Variants in SPAG16 observed in about 807,000 individuals in gnomAD.
SPAG16 encodes the protein sperm-associated antigen 16 protein.
Under a neutral mutation model 80.4 loss-of-function variants are expected in SPAG16, and 86 were observed. The ratio of observed to expected loss-of-function variants is 1.07; its 90% CI spans 0.90 to 1.28. The LOEUF (loss-of-function observed/expected upper bound fraction) is 1.28, where lower values mean the gene tolerates loss of function less well. Ranked by LOEUF, SPAG16 falls within the 50% of genes most tolerant of loss-of-function variation. The probability of loss-of-function intolerance (pLI) is 0.00; values close to 1 mark genes in which losing one functional copy is unlikely to be tolerated. For synonymous variants in SPAG16, 294 were observed against 265.9 expected (o/e 1.11, Z -1.03); for missense variants, 870 against 765.3 (o/e 1.14, Z -1.61).
chr2:214,319,457 T>TA (rs2125991518), intron 15 of SPAG16, among the ~76,000 whole-genome samples: 1 of 144,070 alleles, frequency 6.9e-6, no homozygotes, highest in Admixed American at 6.9e-5. Context: ...AAAGAAGTGA[T>TA]AAAATCCCAA....
In SPAG16 at chr2:213,470,894, A is replaced by C. The variant is rs1014145043; in HGVS notation, c.943-19069A>C. On this transcript the variant is annotated intron_variant, in intron 9 of 15. Transcript: ENST00000331683. ...GGTCCATCCACATATCTCTGCCCCAAATTTCTTTGTCACCAATTTTCCAAT... is the reference window on the plus strand; with the variant it reads ...GGTCCATCCACATATCTCTGCCCCACATTTCTTTGTCACCAATTTTCCAAT... Among the ~76,000 whole-genome samples the C allele has an allele frequency of 9.7e-4, 147 of 152,128 alleles. 4 individuals are homozygous for C. Among genetic ancestry groups the C allele is most frequent in the Non-Finnish European group, 7.4e-5 (5 of 68,020 alleles).
intron 9 of SPAG16, among the ~76,000 whole-genome samples, chr2:213,397,369 C>A (rs188237500): frequency 3.9e-5 from 6 of 152,172 alleles, no homozygotes; most frequent in African/African-American, 1.4e-4. Context: ...TAAGTGTCCC[C>A]TTTGCTTCTC....
chr2:214,070,082 T>A lies in SPAG16; in HGVS notation c.1528-38114T>A, dbSNP rs570122635. Among the ~76,000 whole-genome samples, 437 of 149,248 alleles carry A rather than the reference T, an allele frequency of 2.9e-3. 3 individuals are homozygous for A. In the South Asian group the frequency reaches 0.03, roughly 10 times the overall value. On this transcript the variant is annotated intron_variant, in intron 13 of 15. Transcript: ENST00000331683. ...TTTGCACATTTTCCTCTTGGGGAAT[T>A]TTTTTTTTTTTCTGATTGGTTTGAA...
At chr2:213,542,702 A>G (rs1251965219) in intron 10 of SPAG16, among the ~76,000 whole-genome samples, 4 of 152,146 alleles carry the variant, frequency 2.6e-5, no homozygotes, top group African/African-American at 4.8e-5. Flanking sequence ...AGAAAGAGAA[A>G]AAATGAGTTG....
chr2:214,404,611 TTAAC>T (rs776687533), intron 15 of SPAG16, among the ~76,000 whole-genome samples: 1 of 152,154 alleles, frequency 6.6e-6, no homozygotes, highest in Non-Finnish European at 1.5e-5. Context: ...AAAAAGGATT[TTAAC>T]TAATATTGTG....
chr2:213,587,489 C>G (rs900760171), intron 10 of SPAG16, among the ~76,000 whole-genome samples: 10 of 152,214 alleles, frequency 6.6e-5, no homozygotes, highest in African/African-American at 2.4e-4. Flanking sequence ...AGACCCAGTA[C>G]TCTGGCCCTG....
chr2:213,781,443 CTTCTTAATGCT>C (rs1167115019), intron 10 of SPAG16, among the ~76,000 whole-genome samples: 1 of 152,074 alleles, frequency 6.6e-6, no homozygotes, highest in African/African-American at 2.4e-5. Flanking sequence ...TTCTTCCTGC[CTTCTTAATGCT>C]TTCATGTGTA....
intron 11 of SPAG16, among the ~76,000 whole-genome samples, chr2:213,910,514 A>G: frequency 3.8e-5 from 1 of 26,196 alleles, no homozygotes; most frequent in African/African-American, 6.8e-5. Flanking sequence ...TTTGAGACGG[A>G]GTCTCGCTCT....
intron 10 of SPAG16, among the ~76,000 whole-genome samples, chr2:213,821,479 A>G (rs1483634288): frequency 6.6e-6 from 1 of 152,190 alleles, no homozygotes; most frequent in East Asian, 1.9e-4. Context: ...ATTTTGATAC[A>G]TAAATGCATA....
At chr2:213,468,129 C>A (rs1008069211) in intron 9 of SPAG16, among the ~76,000 whole-genome samples, 1 of 152,028 alleles carries the variant, frequency 6.6e-6, no homozygotes, top group Non-Finnish European at 1.5e-5. Context: ...TTAGTTGTCC[C>A]TCAAATGAAT....
At chr2:214,054,342 A>G (rs1388387966) in intron 13 of SPAG16, among the ~76,000 whole-genome samples, 3 of 152,186 alleles carry the variant, frequency 2.0e-5, no homozygotes, top group South Asian at 4.1e-4. Context: ...CTAAAACCCT[A>G]TATCTCCTTA....
At chr2:213,891,273 A>T (rs1388073714) in intron 11 of SPAG16, among the ~76,000 whole-genome samples, 1 of 152,138 alleles carries the variant, frequency 6.6e-6, no homozygotes, top group East Asian at 1.9e-4. Flanking sequence ...TATCATTGGC[A>T]TGCATGCTGT....
chr2:213,445,571 A>G (rs1302808126), intron 9 of SPAG16, among the ~76,000 whole-genome samples: 1 of 152,058 alleles, frequency 6.6e-6, no homozygotes, highest in Non-Finnish European at 1.5e-5. Flanking sequence ...CTGAGGCAGG[A>G]GGGAGAATAG....
intron 15 of SPAG16, among the ~76,000 whole-genome samples, chr2:214,216,134 A>G (rs779208771): frequency 1.3e-5 from 2 of 152,220 alleles, no homozygotes; most frequent in African/African-American, 2.4e-5. Flanking sequence ...GGTTGGAGAA[A>G]GCATTTTATG....
chr2:214,132,126 T>C (rs1268322832), intron 14 of SPAG16, among the ~76,000 whole-genome samples: 2 of 152,194 alleles, frequency 1.3e-5, no homozygotes, highest in Non-Finnish European at 1.5e-5. Flanking sequence ...ACTTTAAAAA[T>C]AATCAGTGGG....
chr2:213,851,067 T>A (rs1283804524), intron 10 of SPAG16, among the ~76,000 whole-genome samples: 4 of 152,202 alleles, frequency 2.6e-5, no homozygotes, highest in Non-Finnish European at 5.9e-5. Flanking sequence ...TATTCATAAT[T>A]AAACTAAAAT....
At chr2:213,758,927 A>G (rs1445957032) in intron 10 of SPAG16, among the ~76,000 whole-genome samples, 2 of 152,236 alleles carry the variant, frequency 1.3e-5, no homozygotes, top group South Asian at 2.1e-4. Flanking sequence ...AAACATCAAT[A>G]TATTACTTAT....
intron 10 of SPAG16, among the ~76,000 whole-genome samples, chr2:213,736,547 C>T (rs563991416): frequency 2.4e-4 from 37 of 152,114 alleles, no homozygotes; most frequent in Non-Finnish European, 4.0e-4. Flanking sequence ...CTCGGCCTCC[C>T]AAAGTGTTTG....
At chr2:214,318,867 C>T (rs1177771836) in intron 15 of SPAG16, among the ~76,000 whole-genome samples, 1 of 152,044 alleles carries the variant, frequency 6.6e-6, no homozygotes, top group Non-Finnish European at 1.5e-5. Flanking sequence ...TGCCAGAACC[C>T]GAGCTGAAGT....
Sources: allele counts gnomAD v4.1 joint callset (sites outside exome capture counted in the v4.1 genomes callset), GRCh38; gene constraint gnomAD v4.1.1; transcripts MANE v1.5; gene names NCBI Gene and HGNC (gene_info 2026-07-23, HGNC 2026-07-21).